Variants in UBE2E3 observed in about 807,000 individuals in gnomAD.
UBE2E3 encodes ubiquitin conjugating enzyme E2 E3, also known as ubiquitin-conjugating enzyme E2 E3.
In UBE2E3, 5 loss-of-function variants were observed where a neutral mutation model predicts 23.6. The ratio of observed to expected loss-of-function variants is 0.21; its 90% CI spans 0.11 to 0.44. The LOEUF is 0.44. UBE2E3 is among the 20% of genes least tolerant of loss of function. The probability of loss-of-function intolerance (pLI) is 0.99; values close to 1 mark genes in which losing one functional copy is unlikely to be tolerated. For missense variants in UBE2E3, 81 were observed against 249.8 expected (o/e 0.32, Z 4.55); for synonymous variants, 78 against 87.5 (o/e 0.89, Z 0.60).
intron 3 of UBE2E3, among the ~76,000 whole-genome samples, 193 bp downstream of exon 3, chr2:180,984,286 C>T (rs1684389141): frequency 6.6e-6 from 1 of 152,134 alleles, no homozygotes; most frequent in South Asian, 2.1e-4. Flanking sequence ...CATAAGTATA[C>T]ATTGTGGATT....
At chr2:181,018,598 GTT>G (rs4018770) in intron 3 of UBE2E3, among the ~76,000 whole-genome samples, 161 of 128,996 alleles carry the variant, frequency 1.2e-3, no homozygotes, top group African/African-American at 4.4e-3. Flanking sequence ...CAATTTCTGT[GTT>G]TTTTTTTTTT....
chr2:181,041,091 T>TA (rs1686479689), intron 3 of UBE2E3, among the ~76,000 whole-genome samples: 1 of 151,510 alleles, frequency 6.6e-6, no homozygotes, highest in South Asian at 2.1e-4. Flanking sequence ...CTACCAAAAA[T>TA]AAAAAAATTA....
intron 1 of UBE2E3, 59 bp from the exon 2 acceptor site, chr2:180,981,959 G>A: frequency 7.9e-7 from 1 of 1,265,902 alleles, no homozygotes; most frequent in Non-Finnish European, 1.1e-6. Flanking sequence ...AGAAAATGCT[G>A]TTGGTTTATT....
chr2:181,059,235 A>G (rs896413362), intron 4 of UBE2E3, among the ~76,000 whole-genome samples: 5 of 151,764 alleles, frequency 3.3e-5, no homozygotes, highest in African/African-American at 9.7e-5. Flanking sequence ...ATTTGGAACA[A>G]TTATTTCTCT....
chr2:181,005,250 A>G (rs572887788), intron 3 of UBE2E3, among the ~76,000 whole-genome samples: 1 of 152,340 alleles, frequency 6.6e-6, no homozygotes, highest in East Asian at 1.9e-4. Flanking sequence ...TTGTGATCAT[A>G]AGATAACTGA....
intron 3 of UBE2E3, among the ~76,000 whole-genome samples, chr2:181,039,174 G>A (rs952988877): frequency 5.1e-5 from 7 of 138,572 alleles, no homozygotes; most frequent in South Asian, 2.3e-4. Context: ...GCAGTGGAAC[G>A]AGGAAACATT....
chr2:180,991,555 G>A (rs1243322139), intron 3 of UBE2E3, among the ~76,000 whole-genome samples: 2 of 152,166 alleles, frequency 1.3e-5, no homozygotes, highest in Non-Finnish European at 2.9e-5. Flanking sequence ...TTCTACCTGC[G>A]GCCCTTGGGC....
At chr2:180,996,603 C>T (rs1684826437) in intron 3 of UBE2E3, among the ~76,000 whole-genome samples, 1 of 152,200 alleles carries the variant, frequency 6.6e-6, no homozygotes, top group African/African-American at 2.4e-5. Flanking sequence ...TGACTAAATG[C>T]TATGTTCTGG....
intron 3 of UBE2E3, among the ~76,000 whole-genome samples, chr2:181,029,709 ACAACCAAGT>A (rs1686014389): frequency 6.8e-6 from 1 of 146,020 alleles, no homozygotes; most frequent in Non-Finnish European, 1.5e-5. Context: ...ACTGTCTAGG[ACAACCAAGT>A]CATAATTGAG....
At chr2:181,012,608 T>C (rs1344086799) in intron 3 of UBE2E3, among the ~76,000 whole-genome samples, 2 of 152,230 alleles carry the variant, frequency 1.3e-5, no homozygotes, top group Non-Finnish European at 2.9e-5. Flanking sequence ...CTCTTTGTTA[T>C]CTATGAAGCC....
At chr2:181,050,277 A>G (rs1301612142) in intron 3 of UBE2E3, among the ~76,000 whole-genome samples, 1 of 151,928 alleles carries the variant, frequency 6.6e-6, no homozygotes, top group African/African-American at 2.4e-5. Flanking sequence ...TGAAGGTGAT[A>G]CCTTGTGGGT....
intron 5 of UBE2E3, among the ~76,000 whole-genome samples, chr2:181,062,520 G>C (rs1445162390): frequency 6.6e-6 from 1 of 151,196 alleles, no homozygotes; most frequent in Non-Finnish European, 1.5e-5. Context: ...AATAGTTTTT[G>C]TATATTAAAG....
chr2:180,990,871 A>C (rs192600426), intron 3 of UBE2E3, among the ~76,000 whole-genome samples: 12 of 152,324 alleles, frequency 7.9e-5, no homozygotes, highest in African/African-American at 2.4e-4. Context: ...AAGTTACTTC[A>C]ATTTTTACAA....
intron 3 of UBE2E3, among the ~76,000 whole-genome samples, chr2:180,994,355 A>G (rs1442709230): frequency 6.6e-6 from 1 of 152,196 alleles, no homozygotes; most frequent in Non-Finnish European, 1.5e-5. Flanking sequence ...GTAGTTACCT[A>G]ATCATGGCTA....
chr2:181,048,674 A>C (rs1414564843), intron 3 of UBE2E3, among the ~76,000 whole-genome samples: 1 of 152,070 alleles, frequency 6.6e-6, no homozygotes, highest in African/African-American at 2.4e-5. Flanking sequence ...TGTCTGTATT[A>C]TAGCTTTCCC....
intron 3 of UBE2E3, among the ~76,000 whole-genome samples, chr2:181,042,121 A>G (rs897777288): frequency 2.0e-5 from 3 of 152,234 alleles, no homozygotes; most frequent in African/African-American, 4.8e-5. Flanking sequence ...AGGATATCAC[A>G]TTGCATTTAA....
chr2:181,060,573 A>T, intron 4 of UBE2E3, 92 bp from the exon 5 acceptor site: 2 of 1,184,534 alleles, frequency 1.7e-6, no homozygotes, highest in South Asian at 3.9e-5. Context: ...ATTTAGTATC[A>T]TCTATGATAT....
intron 3 of UBE2E3, among the ~76,000 whole-genome samples, chr2:181,006,013 G>A (rs1031895302): frequency 5.3e-5 from 8 of 152,180 alleles, no homozygotes; most frequent in African/African-American, 1.9e-4. Context: ...GTAAACACCA[G>A]TTTATGGGCT....
chr2:181,021,590 T>TC (rs1559124314), intron 3 of UBE2E3, among the ~76,000 whole-genome samples: 60 of 52,386 alleles, frequency 1.1e-3, no homozygotes, highest in Admixed American at 2.2e-3. Flanking sequence ...CTCCCTTCCT[T>TC]CCTCCCTCCC....
Sources: gnomAD v4.1 joint callset for allele counts (sites outside exome capture counted in the v4.1 genomes callset) on GRCh38, gnomAD v4.1.1 for gene constraint, MANE v1.5 for transcripts, NCBI Gene and HGNC (gene_info 2026-07-23, HGNC 2026-07-21) for gene names.